NPC1: variants seen among roughly 807,000 people sequenced by gnomAD.
The protein encoded by NPC1 is NPC intracellular cholesterol transporter 1.
Under a neutral mutation model 140.4 loss-of-function variants are expected in NPC1, and 85 were observed. The observed-to-expected ratio is 0.61, with a 90% confidence interval of 0.51 to 0.72. The LOEUF is 0.72. Among genes scored for constraint, NPC1 ranks in the 30% least tolerant of loss-of-function variants. The pLI is 0.00. For missense variants in NPC1, 1,504 were observed against 1,623.8 expected, an observed-to-expected ratio of 0.93 and a Z score of 1.27; for synonymous variants, 656 against 624.8, an observed-to-expected ratio of 1.05 and a Z score of -0.74.
intron 10 of NPC1, among the ~76,000 whole-genome samples, chr18:23,550,694 G>A (rs2058859385): frequency 6.6e-6 from 1 of 151,748 alleles, no homozygotes; most frequent in South Asian, 2.1e-4. Context: ...CACTGTGTTA[G>A]CCAGGATGGT....
At chr18:23,514,629 G>A (rs184912672) in intron 3 of NPC1, among the ~76,000 whole-genome samples, 3 of 152,228 alleles carry the variant, frequency 2.0e-5, no homozygotes, top group Non-Finnish European at 4.4e-5. Flanking sequence ...CATACACACA[G>A]AAATAGAATT....
intron 3 of NPC1, chr18:23,507,144 CTT>C: frequency 1.2e-6 from 1 of 842,808 alleles, no homozygotes; most frequent in Non-Finnish European, 1.9e-6. Context: ...TTAAAGGAAA[CTT>C]TTATTATCTT....
chr18:23,564,743 C>A (rs1440488829), intron 4 of NPC1, among the ~76,000 whole-genome samples: 2 of 152,126 alleles, frequency 1.3e-5, no homozygotes, highest in Non-Finnish European at 2.9e-5. Flanking sequence ...AATCAAGTGC[C>A]AAATATGAGG....
In NPC1 at chr18:23,576,239, A is replaced by C. The variant is rs2059276649; in HGVS notation, c.58-2665T>G. ...AACTGTCTCAAAAAACAAACAAAAA[A>C]ACAAAACAAACAAAAACAACAACAG... On this transcript the variant is annotated intron_variant, in intron 1 of 24. Transcript: ENST00000269228. 2.0e-5 allele frequency among the ~76,000 whole-genome samples: 3 copies of C among 151,548 alleles called. No individual in the cohort carries two copies. In the South Asian group the frequency reaches 6.2e-4, roughly 31 times the overall value.
intron 13 of NPC1, 118 bp from the exon 14 acceptor site, chr18:23,543,687 G>GA (rs2058744379): frequency 1.4e-6 from 1 of 690,950 alleles, no homozygotes; most frequent in African/African-American, 1.8e-5. Context: ...GATTAGCAGT[G>GA]TCTTCTAAGC....
intron 1 of NPC1, among the ~76,000 whole-genome samples, chr18:23,575,769 C>CAAAAAAAAAAAAAAAAAAA (rs35922440): frequency 8.5e-5 from 3 of 35,106 alleles, no homozygotes; most frequent in Non-Finnish European, 1.2e-4. Context: ...CAGAGAAGAC[C>CAAAAAAAAAAAAAAAAAAA]AAAAAAAAAA....
At chr18:23,527,223 CAAAAAA>C (rs386387173), downstream of NPC1, among the ~76,000 whole-genome samples, 6 of 43,650 alleles carry the variant, frequency 1.4e-4, no homozygotes, top group Non-Finnish European at 2.6e-4. Context: ...CCTGTCTCTA[CAAAAAA>C]AAAAAAAAAA....
Position 23,572,091 on chromosome 18 carries a change from A to G in NPC1, c.270T>C (p.Pro90=). The G allele has an allele frequency of 6.2e-7, 1 of 1,613,598 alleles. No homozygotes were observed. The highest frequency in any genetic ancestry group is 8.5e-7 in the Non-Finnish European group (1 of 1,179,612). Residue 90 remains proline, a synonymous_variant, in exon 3 of 25, where the codon CCT becomes CCC. Coordinates refer to ENST00000269228, the MANE Select transcript of NPC1 (RefSeq NM_000271.5). ...LQTLKDNLQL[P]LQFLSRCPSC... is the part of the protein sequence containing the mutation. ...GAACCTACCTGGACAGAAACTGTAGAGGCAGCTGCAGGTTGTCTTTTAGTG... is the reference window on the plus strand; with the variant it reads ...GAACCTACCTGGACAGAAACTGTAGGGGCAGCTGCAGGTTGTCTTTTAGTG...
chr18:23,552,469 G>T (rs1009101368), intron 9 of NPC1, among the ~76,000 whole-genome samples: 2 of 152,176 alleles, frequency 1.3e-5, no homozygotes, highest in African/African-American at 4.8e-5. Flanking sequence ...AGGCACTGGG[G>T]AACAATTAGA....
At position 23,577,967 on chromosome 18, in the gene NPC1, G is replaced by A. The variant is rs138401095; in HGVS notation, c.58-4393C>T. On this transcript the variant is annotated intron_variant, in intron 1 of 24. Coordinates refer to ENST00000269228, the MANE Select transcript of NPC1 (RefSeq NM_000271.5). The stretch of plus-strand genomic sequence containing the variant: ...CCCACGCCCACCCGGAACTCCAGCT[G>A]GCCCGCAAGTGCCGCACACAGCCCC... 1.2e-4 allele frequency among the ~76,000 whole-genome samples: 18 copies of A among 152,360 alleles called. No homozygotes were observed. In the East Asian group the frequency reaches 3.3e-3, roughly 28 times the overall value.
intron 1 of NPC1, among the ~76,000 whole-genome samples, chr18:23,581,796 A>C (rs144883662): frequency 3.2e-4 from 49 of 152,266 alleles, no homozygotes; most frequent in African/African-American, 1.1e-3. Context: ...CACCTGATAC[A>C]TTAATTCATC....
downstream of NPC1, among the ~76,000 whole-genome samples, chr18:23,518,310 G>A (rs1211828280): frequency 6.6e-6 from 1 of 152,158 alleles, no homozygotes; most frequent in Admixed American, 6.5e-5. Context: ...GGGCAACATA[G>A]TGAGACCCTG....
intron 11 of NPC1, among the ~76,000 whole-genome samples, chr18:23,546,458 C>T (rs1308282988): frequency 6.6e-6 from 1 of 152,066 alleles, no homozygotes; most frequent in Non-Finnish European, 1.5e-5. Context: ...AACAGTCTGG[C>T]AGTTCTTCAA....
intron 3 of NPC1, among the ~76,000 whole-genome samples, chr18:23,570,879 G>A (rs190604259): frequency 4.6e-4 from 70 of 152,212 alleles, no homozygotes; most frequent in African/African-American, 1.6e-3. Flanking sequence ...ACAGCTCCCC[G>A]AGGCCGGCTC....
chr18:23,521,159 C>G (rs545838320), downstream of NPC1, among the ~76,000 whole-genome samples: 108 of 152,200 alleles, frequency 7.1e-4, no homozygotes, highest in Non-Finnish European at 1.2e-3. Flanking sequence ...CCAGCCTGTT[C>G]TAGTTTTTTA....
intron 20 of NPC1, among the ~76,000 whole-genome samples, chr18:23,537,334 C>T (rs946567882): frequency 6.6e-6 from 1 of 152,196 alleles, no homozygotes; most frequent in Admixed American, 6.5e-5. Flanking sequence ...ACCTCGGCCT[C>T]CAAAAGTACT....
Position 23,551,649 on chromosome 18 carries a change from C to T in NPC1, c.1632G>A (p.Trp544Ter). 1 of 1,613,798 alleles carries T rather than the reference C, an allele frequency of 6.2e-7. No individual in the cohort carries two copies. The highest frequency in any genetic ancestry group is 8.5e-7 in the Non-Finnish European group (1 of 1,179,696). Residue 544 changes from tryptophan (W) to a stop codon, truncating the protein, a stop_gained, in exon 10 of 25, where the codon TGG (tryptophan) becomes TGA (stop). Transcript: ENST00000269228. LOFTEE classifies it high-confidence loss of function. The stretch of plus-strand genomic sequence containing the variant: ...TACCATCATAGCCTCCCAACACAAG[C>T]CACGGGAACACTGGTCCACCAAACG... The part of the protein sequence containing the change: ...LGTFGGPVFP[W>*]LVLGGYDDQN...
At chr18:23,521,710 T>G (rs2145221216), downstream of NPC1, among the ~76,000 whole-genome samples, 1 of 151,248 alleles carries the variant, frequency 6.6e-6, no homozygotes, top group Non-Finnish European at 1.5e-5. Flanking sequence ...TTTTTTTTCC[T>G]TAAACAGAAC....
intron 4 of NPC1, among the ~76,000 whole-genome samples, chr18:23,566,281 C>T (rs2059121900): frequency 6.6e-6 from 1 of 152,012 alleles, no homozygotes; most frequent in Non-Finnish European, 1.5e-5. Flanking sequence ...CCTGTGGTTC[C>T]AACTACCCAG....
Sources: gnomAD v4.1 joint callset for allele counts (sites outside exome capture counted in the v4.1 genomes callset) on GRCh38, gnomAD v4.1.1 for gene constraint, MANE v1.5 for transcripts, NCBI Gene and HGNC (gene_info 2026-07-23, HGNC 2026-07-21) for gene names.